Variants in DOT1L observed in about 807,000 individuals in gnomAD.
DOT1L encodes the protein DOT1 like histone lysine methyltransferase.
A neutral mutation model predicts 153.3 loss-of-function variants in DOT1L; 33 were observed. The observed-to-expected ratio is 0.22, with a 90% CI of 0.16 to 0.29. The LOEUF (loss-of-function observed/expected upper bound fraction) is 0.29, where lower values mean the gene tolerates loss of function less well. Ranked by LOEUF, DOT1L falls within the 10% of genes least tolerant of loss-of-function variation. The pLI is 1.00. For missense variants in DOT1L, 1,847 were observed against 2,119.9 expected, an observed-to-expected ratio of 0.87 and a Z score of 2.53; for synonymous variants, 1,135 against 965.1, an observed-to-expected ratio of 1.18 and a Z score of -3.26.
chr19:2,227,181 C>A, intron 27 of DOT1L, 54 bp downstream of exon 27: 1 of 1,581,874 alleles, frequency 6.3e-7, no homozygotes, highest in South Asian at 1.1e-5. Context: ...CCGGAGGCCC[C>A]TTCCTTTGCA....
intron 1 of DOT1L, among the ~76,000 whole-genome samples, chr19:2,177,482 T>C (rs1307352500): frequency 6.6e-6 from 1 of 152,158 alleles, no homozygotes; most frequent in Non-Finnish European, 1.5e-5. Flanking sequence ...TTATTAGTAC[T>C]ACTAACAATT....
rs1014053317 is a variant in DOT1L, at chr19:2,164,050, CGGCCGA to C, written c.-124_-119del. 2 of 489,768 alleles carry C rather than the reference CGGCCGA, an allele frequency of 4.1e-6. No homozygotes were observed. The highest frequency in any genetic ancestry group is 5.5e-6 in the Non-Finnish European group (2 of 362,642). 30.3% of individuals were successfully genotyped at this position (489,768 alleles called of 1,614,324 possible). A position where few individuals can be genotyped will look rare whatever the true frequency, so the allele number is the denominator to read the frequency against. On this transcript the variant is annotated 5_prime_UTR_variant, in exon 1 of 28. Coordinates refer to ENST00000398665, the MANE Select transcript of DOT1L (RefSeq NM_032482.3). The stretch of plus-strand genomic sequence containing the variant: ...CGGAGCGCGGCGGCGGCGGCGGCGG[CGGCCGA>C]GGCCGAGGCCAGGCCCCCTCCCCTC...
At chr19:2,223,716 C>T (rs1369323213) in intron 25 of DOT1L, among the ~76,000 whole-genome samples, 1 of 152,176 alleles carries the variant, frequency 6.6e-6, no homozygotes, top group Non-Finnish European at 1.5e-5. Flanking sequence ...GCAGGGCCAT[C>T]GGTTAGAAGA....
chr19:2,191,379 T>C lies in DOT1L; in HGVS notation c.493+139T>C, dbSNP rs542777221. 9.6e-5 allele frequency: 82 copies of C among 857,648 alleles called. No individual in the cohort carries two copies. The highest frequency in any genetic ancestry group is 1.1e-4 in the Non-Finnish European group (60 of 546,400). The allele number at this position is 857,648 out of a possible 1,614,324, so 53.1% of individuals were successfully genotyped here. A position where few individuals can be genotyped will look rare whatever the true frequency, so the allele number is the denominator to read the frequency against. ...CAGTGCTTCCTTCTCCCAGCGCCTC[T>C]GTCCCGCTGTGGGGCCGTTCCTTTC... On this transcript the variant is annotated intron_variant, in intron 5 of 27. Coordinates refer to ENST00000398665, the MANE Select transcript of DOT1L (RefSeq NM_032482.3). The surrounding 1 kb of genome is among the most constrained non-coding windows in gnomAD (Gnocchi z 6.8).
chr19:2,164,122 C>A lies in DOT1L; in HGVS notation c.-63C>A, dbSNP rs1349668188. On this transcript the variant is annotated 5_prime_UTR_variant, in exon 1 of 28. Coordinates refer to ENST00000398665, the MANE Select transcript of DOT1L (RefSeq NM_032482.3). ...CCTCCCGCCCGCCCTCCTCCGCCCA[C>A]CGGCGGCCCCGCCCCTCCCCCAACC... 3.9e-6 allele frequency: 3 copies of A among 760,120 alleles called. No homozygotes were observed. Among genetic ancestry groups the A allele is most frequent in the Non-Finnish European group, 5.0e-6 (3 of 604,544 alleles). The allele number at this position is 760,120 out of a possible 1,614,324, so 47.1% of individuals were successfully genotyped here. A position where few individuals can be genotyped will look rare whatever the true frequency, so the allele number is the denominator to read the frequency against.
intron 23 of DOT1L, chr19:2,221,530 C>G (rs887806881): frequency 3.6e-4 from 61 of 170,994 alleles, no homozygotes; most frequent in Non-Finnish European, 7.5e-5. Flanking sequence ...GGAAGCATGG[C>G]TGCGGCCTTC....
At chr19:2,196,965 G>C (rs555879902) in intron 7 of DOT1L, among the ~76,000 whole-genome samples, 1 of 151,824 alleles carries the variant, frequency 6.6e-6, no homozygotes, top group South Asian at 2.2e-4. Flanking sequence ...TGTGGTTTCT[G>C]TTCCTCACCC....
Position 2,230,678 on chromosome 19 carries a change from A to G in DOT1L, c.*886A>G, listed in dbSNP as rs2024561996. On this transcript the variant is annotated 3_prime_UTR_variant, in exon 28 of 28. Coordinates refer to ENST00000398665, the MANE Select transcript of DOT1L (RefSeq NM_032482.3). ...ATAGAGATGTGATGAGAATTTATAA[A>G]TTTCATAGATTTGACAGCTTTTATT... The G allele has an allele frequency of 5.0e-6, 2 of 398,058 alleles. No individual in the cohort carries two copies. Among genetic ancestry groups the G allele is most frequent in the Admixed American group, 4.4e-5 (1 of 22,728 alleles). 24.7% of individuals were successfully genotyped at this position (398,058 alleles called of 1,614,324 possible).
chr19:2,211,985 A>C, intron 16 of DOT1L, 143 bp downstream of exon 16: 1 of 712,164 alleles, frequency 1.4e-6, no homozygotes, highest in South Asian at 2.0e-5. Context: ...GCGAGAAACA[A>C]ACCTACCCGT....
chr19:2,168,234 C>T (rs2020001709), intron 1 of DOT1L, among the ~76,000 whole-genome samples: 1 of 152,118 alleles, frequency 6.6e-6, no homozygotes, highest in African/African-American at 2.4e-5. Flanking sequence ...TTGGGAAGCC[C>T]AGGCGGGAGG....
chr19:2,224,697 G>GC (rs1168528082), intron 25 of DOT1L, among the ~76,000 whole-genome samples: 1 of 152,114 alleles, frequency 6.6e-6, no homozygotes, highest in Non-Finnish European at 1.5e-5. Context: ...CAAACTCCTG[G>GC]CCTCAAGCCT....
rs2024599136 is a variant in DOT1L at position 2,231,569 on chromosome 19, C to CT, written c.*1779dup. ...GAAGATGGTGCTCCGGACCTGTCCTCTTAAGTGGTGCCCAGTGCCCTCCCC... is the reference window on the plus strand; with the variant it reads ...GAAGATGGTGCTCCGGACCTGTCCTCTTTAAGTGGTGCCCAGTGCCCTCCCC... On this transcript the variant is annotated 3_prime_UTR_variant, in exon 28 of 28. Transcript: ENST00000398665. 1 of 200,428 alleles carries CT rather than the reference C, an allele frequency of 5.0e-6. No individual in the cohort carries two copies. 12.4% of individuals were successfully genotyped at this position (200,428 alleles called of 1,614,324 possible). A position where few individuals can be genotyped will look rare whatever the true frequency, so the allele number is the denominator to read the frequency against.
rs986823780 is a variant in DOT1L, at chr19:2,217,040, C to T, written c.2494C>T (p.Pro832Ser). 2 of 1,612,218 alleles carry T rather than the reference C, an allele frequency of 1.2e-6. No individual in the cohort carries two copies. Among genetic ancestry groups the T allele is most frequent in the African/African-American group, 1.3e-5 (1 of 74,910 alleles). The change falls in exon 21 of 28, where the codon CCC (proline) becomes TCC (serine). Residue 832 changes from proline to serine, a missense_variant. Physicochemically the swap from Pro to Ser is moderately conservative, Grantham distance 74 (BLOSUM62 -1). Around this residue, in one of 8 missense-constraint regions of DOT1L, gnomAD observed 281 missense variants for 263.6 expected, o/e 1.07. Transcript: ENST00000398665. This position sits in a 1 kb window ranked among gnomAD's most constrained non-coding sequence, Gnocchi z 7.3. ...GAAGCTGAGCCCTCAGGACCCGCGG[C>T]CCCTGTCCCCTGGGGCCTTGCAGCT... ...SMKLSPQDPR[P>S]LSPGALQLAG... is the part of the protein sequence containing the mutation.
chr19:2,165,069 G>A (rs1213930288), intron 1 of DOT1L, among the ~76,000 whole-genome samples: 2 of 152,232 alleles, frequency 1.3e-5, no homozygotes, highest in African/African-American at 4.8e-5. Flanking sequence ...AGAAACCCGC[G>A]TGCGGCTCCC....
intron 9 of DOT1L, among the ~76,000 whole-genome samples, chr19:2,205,965 C>T (rs560128969): frequency 3.9e-5 from 6 of 152,100 alleles, no homozygotes; most frequent in South Asian, 2.1e-4. Context: ...GCTGGGTTTA[C>T]AGGCGTGAGC....
At chr19:2,214,422 C>T (rs978582766) in intron 18 of DOT1L, 49 bp from the exon 19 acceptor site, 2 of 1,598,830 alleles carry the variant, frequency 1.3e-6, no homozygotes, top group African/African-American at 2.7e-5. Flanking sequence ...GTGGGGTGTG[C>T]TGGGCAGGCA....
chr19:2,222,761 G>A lies in DOT1L; in HGVS notation c.3390+202G>A, dbSNP rs1236391906. On this transcript the variant is annotated intron_variant, in intron 24 of 27. Transcript: ENST00000398665. This position sits in a 1 kb window ranked among gnomAD's most constrained non-coding sequence, Gnocchi z 6.5. ...CAAAAATACAAAAGATTAGCCGGGCGTGGTGGCGGGTGCCTGGGAGGCTGA... is the reference window on the plus strand; with the variant it reads ...CAAAAATACAAAAGATTAGCCGGGCATGGTGGCGGGTGCCTGGGAGGCTGA... 6 of 582,118 alleles carry A rather than the reference G, an allele frequency of 1.0e-5. No homozygotes were observed. The highest frequency in any genetic ancestry group is 2.7e-5 in the South Asian group (1 of 37,176). 36.1% of individuals were successfully genotyped at this position (582,118 alleles called of 1,614,324 possible).
chr19:2,191,777 C>T lies in DOT1L; in HGVS notation c.493+537C>T, dbSNP rs1205606624. On this transcript the variant is annotated intron_variant, in intron 5 of 27. Coordinates refer to ENST00000398665, the MANE Select transcript of DOT1L (RefSeq NM_032482.3). This position sits in a 1 kb window ranked among gnomAD's most constrained non-coding sequence, Gnocchi z 6.8. ...CCCTGCGTCTGGGCCGTGCCCTGCC[C>T]CTCCCAGGTTGGGGCTCCCACCTGC... 6.6e-6 allele frequency among the ~76,000 whole-genome samples: 1 copy of T among 152,150 alleles called. No individual in the cohort carries two copies. Among genetic ancestry groups the T allele is most frequent in the Non-Finnish European group, 1.5e-5 (1 of 68,008 alleles).
In DOT1L at chr19:2,216,391, C is replaced by T. The variant is rs778298925; in HGVS notation, c.2034C>T (p.Ala678=). 8 of 1,612,418 alleles carry T rather than the reference C, an allele frequency of 5.0e-6. 2 individuals are homozygous for T. The South Asian group carries it at 8.8e-5, about 18-fold the overall frequency. Reference sequence around the variant, plus strand: ...CCCTGCACCTGCGTGGGAAGGGCGCCCTGGGCCGCGAGCTGGAGCCTGACG... The same window carrying T: ...CCCTGCACCTGCGTGGGAAGGGCGCTCTGGGCCGCGAGCTGGAGCCTGACG... ...ALSLHLRGKG[A]LGRELEPDAS... Residue 678 remains alanine, a synonymous_variant, in exon 20 of 28, where the codon GCC becomes GCT. Coordinates refer to ENST00000398665, the MANE Select transcript of DOT1L (RefSeq NM_032482.3).
Sources: gnomAD v4.1 joint callset for allele counts (sites outside exome capture counted in the v4.1 genomes callset) on GRCh38, gnomAD v4.1.1 for gene constraint, gnomAD v4.1.1 regional missense constraint, Gnocchi (gnomAD v3.1) non-coding constraint, MANE v1.5 for transcripts, NCBI Gene and HGNC (gene_info 2026-07-23, HGNC 2026-07-21) for gene names.